The following THRB variants were observed in gnomAD, a reference collection of about 807,000 sequenced individuals.
THRB encodes nuclear receptor subfamily 1 group A member 2.
In THRB, 12 loss-of-function variants were observed where a neutral mutation model predicts 47.8. The observed-to-expected ratio is 0.25, with a 90% CI of 0.16 to 0.41. The LOEUF (loss-of-function observed/expected upper bound fraction) is 0.41, where lower values mean the gene tolerates loss of function less well. Among genes scored for constraint, THRB ranks in the 10% least tolerant of loss-of-function variants. THRB has a pLI of 1.00. For synonymous variants in THRB, 218 were observed against 212.2 expected (o/e 1.03, Z -0.24); for missense variants, 348 against 589.2 (o/e 0.59, Z 4.24).
At chr3:24,306,289 G>T (rs569966092) in intron 2 of THRB, among the ~76,000 whole-genome samples, 2 of 152,146 alleles carry the variant, frequency 1.3e-5, no homozygotes, top group Non-Finnish European at 2.9e-5. Context: ...CCAGGCCTGC[G>T]CTGGAAAGCT....
intron 1 of THRB, among the ~76,000 whole-genome samples, chr3:24,413,389 T>A (rs775859396): frequency 1.3e-5 from 2 of 151,754 alleles, no homozygotes; most frequent in Non-Finnish European, 2.9e-5. Flanking sequence ...GAATTCTATA[T>A]GGTAAATTCT....
At position 24,138,067 on chromosome 3, in the gene THRB, T is replaced by C. The variant is rs75367005; in HGVS notation, c.739-4605A>G. 4.6e-3 allele frequency among the ~76,000 whole-genome samples: 693 copies of C among 152,158 alleles called. 8 individuals carry two copies. The highest frequency in any genetic ancestry group is 0.016 in the African/African-American group (665 of 41,514). Reference sequence around the variant, plus strand: ...CTCAGCACGGGTGAGGCTGGTCTTATGCAAATCGTGGCCAACTGGCTTTCT... The same window carrying C: ...CTCAGCACGGGTGAGGCTGGTCTTACGCAAATCGTGGCCAACTGGCTTTCT... On this transcript the variant is annotated intron_variant, in intron 8 of 10. Coordinates refer to ENST00000646209, the MANE Select transcript of THRB (RefSeq NM_001354712.2).
At chr3:24,285,286 C>G (rs544583902) in intron 3 of THRB, among the ~76,000 whole-genome samples, 1 of 152,066 alleles carries the variant, frequency 6.6e-6, no homozygotes, top group African/African-American at 2.4e-5. Flanking sequence ...TTTGTAGGGA[C>G]ATGGATGAAA....
intron 5 of THRB, among the ~76,000 whole-genome samples, chr3:24,160,429 A>G (rs1048906470): frequency 3.3e-5 from 5 of 152,094 alleles, no homozygotes; most frequent in Non-Finnish European, 5.9e-5. Context: ...GTGAACCTGG[A>G]GGGAAGAAAG....
intron 1 of THRB, among the ~76,000 whole-genome samples, chr3:24,339,395 A>G (rs1051830891): frequency 3.9e-5 from 6 of 152,204 alleles, no homozygotes; most frequent in African/African-American, 1.4e-4. Flanking sequence ...CGTTTTCCAG[A>G]TGAAGAAAGG....
intron 1 of THRB, among the ~76,000 whole-genome samples, chr3:24,343,225 A>G (rs1036248984): frequency 1.3e-5 from 2 of 152,140 alleles, no homozygotes; most frequent in African/African-American, 2.4e-5. Flanking sequence ...CGAGCATTCA[A>G]TTTCCTGAGA....
At chr3:24,464,408 T>A (rs1288731423) in intron 1 of THRB, among the ~76,000 whole-genome samples, 1 of 152,210 alleles carries the variant, frequency 6.6e-6, no homozygotes, top group East Asian at 1.9e-4. Flanking sequence ...GACTTAATAT[T>A]TTATTTTGTC....
intron 2 of THRB, among the ~76,000 whole-genome samples, chr3:24,321,332 G>A (rs1030526507): frequency 3.9e-5 from 6 of 152,132 alleles, no homozygotes; most frequent in East Asian, 1.9e-4. Flanking sequence ...AGTGTATCCC[G>A]AAGAGTGATA....
chr3:24,156,569 TAAGG>T (rs2037873935), intron 5 of THRB, among the ~76,000 whole-genome samples: 1 of 152,188 alleles, frequency 6.6e-6, no homozygotes, highest in Non-Finnish European at 1.5e-5. Flanking sequence ...CCTGGCATCT[TAAGG>T]GAGGGGCTGT....
At chr3:24,298,380 G>A (rs1423340334) in intron 2 of THRB, among the ~76,000 whole-genome samples, 1 of 152,136 alleles carries the variant, frequency 6.6e-6, no homozygotes, top group African/African-American at 2.4e-5. Context: ...CCCACCTGAA[G>A]TTTTATTTGT....
intron 3 of THRB, among the ~76,000 whole-genome samples, chr3:24,266,064 C>T (rs2052615877): frequency 6.6e-6 from 1 of 152,118 alleles, no homozygotes; most frequent in Admixed American, 6.6e-5. Context: ...TTTTAATCTT[C>T]CCTAAACTTT....
At chr3:24,188,769 C>T (rs2042936558) in intron 5 of THRB, among the ~76,000 whole-genome samples, 2 of 150,410 alleles carry the variant, frequency 1.3e-5, no homozygotes, top group South Asian at 4.2e-4. Flanking sequence ...CACACACACA[C>T]ACACATACGT....
chr3:24,380,932 T>A (rs547961022), intron 1 of THRB, among the ~76,000 whole-genome samples: 2 of 152,046 alleles, frequency 1.3e-5, no homozygotes. Flanking sequence ...CTGGACAACA[T>A]GGTGAAACCC....
chr3:24,199,649 T>C (rs1338147640), intron 4 of THRB, among the ~76,000 whole-genome samples: 1 of 152,204 alleles, frequency 6.6e-6, no homozygotes, highest in African/African-American at 2.4e-5. Flanking sequence ...CCTGAAATAA[T>C]TACTCTGAAA....
chr3:24,487,257 C>A (rs1418164507), intron 1 of THRB, among the ~76,000 whole-genome samples: 1 of 151,616 alleles, frequency 6.6e-6, no homozygotes, highest in Non-Finnish European at 1.5e-5. Flanking sequence ...AACATATGAG[C>A]CTGATTTTTA....
chr3:24,474,393 T>A (rs895602087), intron 1 of THRB, among the ~76,000 whole-genome samples: 8 of 152,222 alleles, frequency 5.3e-5, no homozygotes, highest in Non-Finnish European at 1.2e-4. Context: ...CATACTCTTA[T>A]ACTTCCTCCA....
At chr3:24,366,669 G>A (rs1278647055) in intron 1 of THRB, among the ~76,000 whole-genome samples, 1 of 140,918 alleles carries the variant, frequency 7.1e-6, no homozygotes, top group Non-Finnish European at 1.5e-5. Flanking sequence ...TCACCAGGCT[G>A]GAGTACAGTG....
chr3:24,192,781 A>T (rs938007203), intron 4 of THRB, among the ~76,000 whole-genome samples: 1 of 152,210 alleles, frequency 6.6e-6, no homozygotes, highest in Non-Finnish European at 1.5e-5. Flanking sequence ...AAAGAAAAGC[A>T]GCTGAGATGG....
intron 8 of THRB, among the ~76,000 whole-genome samples, chr3:24,143,190 C>G: frequency 6.6e-6 from 1 of 152,154 alleles, no homozygotes; most frequent in East Asian, 1.9e-4. Context: ...AGATGGCAGA[C>G]AAAACATTTT....
Sources: gnomAD v4.1 joint callset for allele counts (sites outside exome capture counted in the v4.1 genomes callset) on GRCh38, gnomAD v4.1.1 for gene constraint, MANE v1.5 for transcripts, NCBI Gene and HGNC (gene_info 2026-07-23, HGNC 2026-07-21) for gene names.